PDGFRB: variants seen among roughly 807,000 people sequenced by gnomAD.
PDGFRB encodes platelet derived growth factor receptor beta, also known as platelet-derived growth factor receptor beta.
In PDGFRB, 42 loss-of-function variants were observed where a neutral mutation model predicts 120.2. The observed-to-expected ratio is 0.35, with a 90% CI of 0.27 to 0.45. PDGFRB has a LOEUF of 0.45. PDGFRB is among the 20% of genes least tolerant of loss of function. The pLI, the probability that PDGFRB is intolerant of heterozygous loss-of-function variation, is 1.00. For synonymous variants in PDGFRB, 586 were observed against 606.8 expected, an observed-to-expected ratio of 0.97 and a Z score of 0.50; for missense variants, 1,149 against 1,476.3, an observed-to-expected ratio of 0.78 and a Z score of 3.63.
chr5:150,114,582 CCTGTGCAG>C lies in PDGFRB; in HGVS notation c.*1173_*1180del, dbSNP rs972831523. 2 of 233,262 alleles carry C rather than the reference CCTGTGCAG, an allele frequency of 8.6e-6. No individual in the cohort carries two copies. Among genetic ancestry groups the C allele is most frequent in the African/African-American group, 4.4e-5 (2 of 45,276 alleles). 14.4% of individuals were successfully genotyped at this position (233,262 alleles called of 1,614,324 possible). A position where few individuals can be genotyped will look rare whatever the true frequency, so the allele number is the denominator to read the frequency against. ...CACCGGCTGTCACTCTAAGTCAAGG[CCTGTGCAG>C]CTGTGTTCTTGAGACTTGCTGGGGG... On this transcript the variant is annotated 3_prime_UTR_variant, in exon 23 of 23. Coordinates refer to ENST00000261799, the MANE Select transcript of PDGFRB (RefSeq NM_002609.4).
At position 150,126,541 on chromosome 5, in the gene PDGFRB, G is replaced by T. The variant is rs767880427; in HGVS notation, c.1653C>A (p.Ile551=). ...TTACCTTCTGCCAAAGCATGATGAG[G>T]ATGATAAGGGAGATGATGGTGAGCA... ...LVVLTIISLI[I]LIMLWQKKPR... is the part of the protein sequence containing the mutation. The change falls in exon 11 of 23, where the codon ATC becomes ATA. Residue 551 remains isoleucine (I), a synonymous_variant. Transcript: ENST00000261799. 4.4e-6 allele frequency: 7 copies of T among 1,600,360 alleles called. No homozygotes were observed. In the South Asian group the frequency reaches 5.5e-5, roughly 13 times the overall value.
rs780132747 is a variant in PDGFRB, at chr5:150,135,862, C to T, written c.57G>A (p.Leu19=). The change falls in exon 3 of 23, where the codon CTG becomes CTA. Residue 19 remains leucine, a synonymous_variant. Coordinates refer to ENST00000261799, the MANE Select transcript of PDGFRB (RefSeq NM_002609.4). ...GTGGTTCCAGAAGTAACAGGAGAGA[C>T]AGCAACAGCAGCTCGCCTTTGGGAG... ...ALALKGELLL[L]SLLLLLEPQI... The T allele has an allele frequency of 1.3e-6, 2 of 1,525,950 alleles. No homozygotes were observed. Among genetic ancestry groups the T allele is most frequent in the Non-Finnish European group, 8.8e-7 (1 of 1,137,752 alleles). 94.5% of individuals were successfully genotyped at this position (1,525,950 alleles called of 1,614,324 possible). A position where few individuals can be genotyped will look rare whatever the true frequency, so the allele number is the denominator to read the frequency against.
chr5:150,123,481 G>A lies in PDGFRB; in HGVS notation c.2024-280C>T, dbSNP rs1760205393. ...AATGAGATGATGTCTTTATTGGCTG[G>A]GCACGTGGCGAGCTCGCAGTGTTGG... On this transcript the variant is annotated intron_variant, in intron 14 of 22. Coordinates refer to ENST00000261799, the MANE Select transcript of PDGFRB (RefSeq NM_002609.4). Among the ~76,000 whole-genome samples the A allele has an allele frequency of 2.0e-5, 3 of 152,174 alleles. No individual in the cohort carries two copies. The South Asian group carries it at 6.2e-4, about 32-fold the overall frequency.
intron 1 of PDGFRB, among the ~76,000 whole-genome samples, chr5:150,141,407 A>G (rs3776076): frequency 0.13 from 19,430 of 152,238 alleles, 1,375 homozygotes; most frequent in East Asian, 0.24. Flanking sequence ...TTGATTCTCC[A>G]TCAACTCTAT....
chr5:150,123,208 A>T lies in PDGFRB; in HGVS notation c.2024-7T>A. On this transcript the variant is annotated splice_polypyrimidine_tract_variant and splice_region_variant and intron_variant, in intron 14 of 22. Coordinates refer to ENST00000261799, the MANE Select transcript of PDGFRB (RefSeq NM_002609.4). ...GTGATGATATAGATGGGTCCTGCAG[A>T]GGGACAGGCTCAGGGACAGTCCCTA... 6.2e-7 allele frequency: 1 copy of T among 1,611,652 alleles called. No individual in the cohort carries two copies.
intron 14 of PDGFRB, among the ~76,000 whole-genome samples, chr5:150,123,615 T>C (rs536333539): frequency 6.6e-6 from 1 of 152,248 alleles, no homozygotes; most frequent in Non-Finnish European, 1.5e-5. Flanking sequence ...TCAACTACAA[T>C]GCATTTACTT....
chr5:150,150,613 G>T (rs1313566242), intron 1 of PDGFRB, among the ~76,000 whole-genome samples: 1 of 136,594 alleles, frequency 7.3e-6, no homozygotes, highest in African/African-American at 2.7e-5. Context: ...GGTGGATGTA[G>T]GGGGCGGGGG....
In PDGFRB at chr5:150,130,577, C is replaced by T. The variant is rs1760436154; in HGVS notation, c.1329G>A (p.Gln443=). The T allele has an allele frequency of 4.4e-6, 7 of 1,601,064 alleles. No homozygotes were observed. The African/African-American group carries it at 5.4e-5, about 12-fold the overall frequency. Residue 443 remains glutamine, a synonymous_variant, in exon 9 of 23, where the codon CAG becomes CAA. Transcript: ENST00000261799. ...TVRCRGRGMP[Q]PNIIWSACRD... ...TGCAGGCAGACCAGATGATGTTCGG[C>T]TGGGGCATGCCCCGGCCACGACAGC...
At chr5:150,136,919 C>T (rs1760648015) in intron 2 of PDGFRB, 89 bp downstream of exon 2, 9 of 1,015,076 alleles carry the variant, frequency 8.9e-6, no homozygotes, top group African/African-American at 3.2e-5. Flanking sequence ...GTGCTTCACG[C>T]CCTGCCACCA....
rs768918782 is a variant in PDGFRB at position 150,135,029 on chromosome 5, G to A, written c.365-13C>T. The A allele has an allele frequency of 4.3e-6, 6 of 1,395,780 alleles. No individual in the cohort carries two copies. In the Admixed American group the frequency reaches 8.8e-5, roughly 21 times the overall value. 86.5% of individuals were successfully genotyped at this position (1,395,780 alleles called of 1,614,324 possible). A position where few individuals can be genotyped will look rare whatever the true frequency, so the allele number is the denominator to read the frequency against. The stretch of plus-strand genomic sequence containing the variant: ...CCCACGGTGGGATCTGCCAGGAGTG[G>A]AGCCGTGAATAAATCAGGGGAACTG... On this transcript the variant is annotated splice_polypyrimidine_tract_variant and intron_variant, in intron 3 of 22. Coordinates refer to ENST00000261799, the MANE Select transcript of PDGFRB (RefSeq NM_002609.4).
chr5:150,122,606 G>A (rs545096102), intron 15 of PDGFRB, among the ~76,000 whole-genome samples: 1 of 152,382 alleles, frequency 6.6e-6, no homozygotes, highest in African/African-American at 2.4e-5. Context: ...ATCAGCAACA[G>A]AACTAAGAAG....
chr5:150,127,420 G>A (rs1354838292), intron 10 of PDGFRB, among the ~76,000 whole-genome samples: 3 of 152,220 alleles, frequency 2.0e-5, no homozygotes, highest in South Asian at 2.1e-4. Context: ...AGGGAGTCCT[G>A]TCCCACCTCC....
rs1760001926 is a variant in PDGFRB, at chr5:150,117,671, G to C, written c.3084C>G (p.Pro1028=). Residue 1028 remains proline (P), a synonymous_variant, in exon 22 of 23, where the codon CCC becomes CCG. Transcript: ENST00000261799. ...GGCCCTCGTCAGCAACCTCGGGTTT[G>C]GGGTCAGGCAGGGGGATGATATAGT... The part of the protein sequence containing the change: ...DNDYIIPLPD[P]KPEVADEGPL... 1 of 1,613,868 alleles carries C rather than the reference G, an allele frequency of 6.2e-7. No individual in the cohort carries two copies. The highest frequency in any genetic ancestry group is 1.3e-5 in the African/African-American group (1 of 75,006).
In PDGFRB at chr5:150,121,022, G is replaced by A. The variant is rs754572494; in HGVS notation, c.2464-12C>T. 2.5e-6 allele frequency: 4 copies of A among 1,613,838 alleles called. No individual in the cohort carries two copies. Among genetic ancestry groups the A allele is most frequent in the Non-Finnish European group, 3.4e-6 (4 of 1,179,742 alleles). ...TCTCTGTGGACGCACTGGGTTTGGG[G>A]AGAGGGGAGCTGAGGCCTTGGGGAC... On this transcript the variant is annotated splice_polypyrimidine_tract_variant and intron_variant, in intron 17 of 22. Transcript: ENST00000261799. The surrounding 1 kb of genome is among the most constrained non-coding windows in gnomAD (Gnocchi z 4.1).
intron 6 of PDGFRB, 64 bp downstream of exon 6, chr5:150,133,522 C>A: frequency 3.6e-6 from 5 of 1,373,384 alleles, no homozygotes; most frequent in Non-Finnish European, 2.1e-6. Flanking sequence ...CTGCACCCAG[C>A]AAAGTGGGTG....
At position 150,132,183 on chromosome 5, in the gene PDGFRB, G is replaced by C; in HGVS notation, c.1128-89C>G. ...GGTATAAAGAGGAACAAGGCCCAGG[G>C]AGGGGAAGGGCTTGCCAAGGTCATC... On this transcript the variant is annotated intron_variant, in intron 7 of 22. Coordinates refer to ENST00000261799, the MANE Select transcript of PDGFRB (RefSeq NM_002609.4). This position sits in a 1 kb window ranked among gnomAD's most constrained non-coding sequence, Gnocchi z 5.0. 1 of 716,384 alleles carries C rather than the reference G, an allele frequency of 1.4e-6. No homozygotes were observed. Among genetic ancestry groups the C allele is most frequent in the Non-Finnish European group, 2.5e-6 (1 of 407,258 alleles). The allele number at this position is 716,384 out of a possible 1,614,324, so 44.4% of individuals were successfully genotyped here. A position where few individuals can be genotyped will look rare whatever the true frequency, so the allele number is the denominator to read the frequency against.
chr5:150,147,673 G>A (rs1244331190), intron 1 of PDGFRB, among the ~76,000 whole-genome samples: 1 of 152,224 alleles, frequency 6.6e-6, no homozygotes, highest in Non-Finnish European at 1.5e-5. Context: ...CAGGAGGGCA[G>A]AGAACCCCCA....
In PDGFRB at chr5:150,124,178, G is replaced by C. The variant is rs548346663; in HGVS notation, c.2023+72C>G. 152 of 1,014,956 alleles carry C rather than the reference G, an allele frequency of 1.5e-4. No homozygotes were observed. In the South Asian group the frequency reaches 1.8e-3, roughly 12 times the overall value. 62.9% of individuals were successfully genotyped at this position (1,014,956 alleles called of 1,614,324 possible). On this transcript the variant is annotated intron_variant, in intron 14 of 22. Coordinates refer to ENST00000261799, the MANE Select transcript of PDGFRB (RefSeq NM_002609.4). ...AGTGTGCTGTTGTGCAAGGCCTGAGGGGGGGGTAGGCGGGGCCTGGCCTTG... is the reference window on the plus strand; with the variant it reads ...AGTGTGCTGTTGTGCAAGGCCTGAGCGGGGGGTAGGCGGGGCCTGGCCTTG...
chr5:150,121,877 C>A lies in PDGFRB; in HGVS notation c.2344+3G>T. Reference sequence around the variant, plus strand: ...GGGGTACTATGTCACTATGTCCACCCACCAGAGGGAACGTAGTTATCGTAA... The same window carrying A: ...GGGGTACTATGTCACTATGTCCACCAACCAGAGGGAACGTAGTTATCGTAA... On this transcript the variant is annotated splice_donor_region_variant and intron_variant, in intron 16 of 22. Transcript: ENST00000261799. This position sits in a 1 kb window ranked among gnomAD's most constrained non-coding sequence, Gnocchi z 4.1. 6.2e-7 allele frequency: 1 copy of A among 1,609,590 alleles called. No homozygotes were observed.
Sources: gnomAD v4.1 joint callset for allele counts (sites outside exome capture counted in the v4.1 genomes callset) on GRCh38, gnomAD v4.1.1 for gene constraint, Gnocchi (gnomAD v3.1) non-coding constraint, MANE v1.5 for transcripts, NCBI Gene and HGNC (gene_info 2026-07-23, HGNC 2026-07-21) for gene names.